FAM20A: variants seen among roughly 807,000 people sequenced by gnomAD.
FAM20A encodes the protein FAM20A golgi associated secretory pathway pseudokinase.
Under a neutral mutation model 52.0 loss-of-function variants are expected in FAM20A, and 42 were observed. The observed-to-expected ratio is 0.81, with a 90% CI of 0.63 to 1.04. FAM20A has a LOEUF of 1.04. Among genes scored for constraint, FAM20A ranks in the 50% least tolerant of loss-of-function variants. FAM20A has a pLI of 0.00. For missense variants in FAM20A, 742 were observed against 712.7 expected, an observed-to-expected ratio of 1.04 and a Z score of -0.47; for synonymous variants, 304 against 298.9, an observed-to-expected ratio of 1.02 and a Z score of -0.18.
In FAM20A at chr17:68,598,909, A is replaced by G. The variant is rs115943775; in HGVS notation, c.404+1354T>C. On this transcript the variant is annotated intron_variant, in intron 1 of 10. Transcript: ENST00000592554. ...TCCTGGTTCACTAAGCCAGACTTCC[A>G]TGTTATTGACGAAATAAAGATAATA... is the stretch of plus-strand genomic sequence containing the variant. Among the ~76,000 whole-genome samples, 1,291 of 152,334 alleles carry G rather than the reference A, an allele frequency of 8.5e-3. 19 individuals carry two copies. The highest frequency in any genetic ancestry group is 0.03 in the African/African-American group (1,240 of 41,560).
chr17:68,543,038 A>C (rs2086380533), intron 5 of FAM20A, among the ~76,000 whole-genome samples: 1 of 152,176 alleles, frequency 6.6e-6, no homozygotes, highest in South Asian at 2.1e-4. Flanking sequence ...TATTCCGTCA[A>C]GCCTCCTGGG....
At chr17:68,571,209 T>C (rs73363278) in intron 1 of FAM20A, among the ~76,000 whole-genome samples, 4 of 152,318 alleles carry the variant, frequency 2.6e-5, no homozygotes, top group African/African-American at 9.6e-5. Flanking sequence ...GGAACAGCAA[T>C]GAAAGAGCTG....
Position 68,585,435 on chromosome 17 carries a change from T to C in FAM20A, c.404+14828A>G, listed in dbSNP as rs542012918. On this transcript the variant is annotated intron_variant, in intron 1 of 10. Coordinates refer to ENST00000592554, the MANE Select transcript of FAM20A (RefSeq NM_017565.4). Reference sequence around the variant, plus strand: ...ACATTCTTTTTTGTTTTTCCACCAATACCATGGCTTTATTTATTTTTTTTT... The same window carrying C: ...ACATTCTTTTTTGTTTTTCCACCAACACCATGGCTTTATTTATTTTTTTTT... Among the ~76,000 whole-genome samples the C allele has an allele frequency of 3.2e-4, 45 of 139,782 alleles. 1 individual carries two copies. Among genetic ancestry groups the C allele is most frequent in the African/African-American group, 1.2e-3 (44 of 36,422 alleles). The allele number at this position is 139,782 out of a possible 152,430, so 91.7% of individuals were successfully genotyped here.
chr17:68,555,842 A>T, intron 1 of FAM20A, 99 bp from the exon 2 acceptor site: 1 of 1,367,618 alleles, frequency 7.3e-7, no homozygotes, highest in Non-Finnish European at 1.0e-6. Context: ...CATTTATTCC[A>T]CAAGTGTATT....
chr17:68,565,736 G>T (rs2087359949), intron 1 of FAM20A, among the ~76,000 whole-genome samples: 1 of 151,828 alleles, frequency 6.6e-6, no homozygotes, highest in African/African-American at 2.4e-5. Context: ...TGTTGCCTGT[G>T]CCTTAACCCT....
chr17:68,539,816 C>A, intron 9 of FAM20A, 69 bp downstream of exon 9: 2 of 1,498,508 alleles, frequency 1.3e-6, no homozygotes, highest in South Asian at 1.1e-5. Flanking sequence ...CTGTTTCCCC[C>A]GAGCAGCTGG....
chr17:68,580,106 A>G (rs997811035), intron 1 of FAM20A, among the ~76,000 whole-genome samples: 2 of 152,360 alleles, frequency 1.3e-5, no homozygotes, highest in African/African-American at 4.8e-5. Context: ...TAAGGTCCAC[A>G]AAGTGGAAGT....
At chr17:68,540,100 C>T in intron 8 of FAM20A, 134 bp from the exon 9 acceptor site, 3 of 755,492 alleles carry the variant, frequency 4.0e-6, no homozygotes, top group South Asian at 2.9e-5. Flanking sequence ...GGGCCTCACA[C>T]TGTCATTTCC....
chr17:68,535,667 A>C lies in FAM20A; in HGVS notation c.*1810T>G, dbSNP rs115751600. ...TCTGTTAAAGAGTTGATTTAAAAAA[A>C]AATTTTTTTTTTTTTGTATTTTTTT... On this transcript the variant is annotated 3_prime_UTR_variant, in exon 11 of 11. Transcript: ENST00000592554. 2.1e-3 allele frequency: 926 copies of C among 448,500 alleles called. 7 individuals carry two copies. Among genetic ancestry groups the C allele is most frequent in the African/African-American group, 0.017 (845 of 49,378 alleles). The allele number at this position is 448,500 out of a possible 1,614,324, so 27.8% of individuals were successfully genotyped here. A position where few individuals can be genotyped will look rare whatever the true frequency, so the allele number is the denominator to read the frequency against.
chr17:68,595,297 C>A (rs761533965), intron 1 of FAM20A, among the ~76,000 whole-genome samples: 6 of 152,208 alleles, frequency 3.9e-5, no homozygotes, highest in Admixed American at 6.5e-5. Context: ...GGATGAATGA[C>A]ACTGATGCTC....
chr17:68,581,427 C>CTCT (rs1568774558), intron 1 of FAM20A, among the ~76,000 whole-genome samples: 11 of 95,974 alleles, frequency 1.1e-4, no homozygotes, highest in African/African-American at 3.8e-4. Flanking sequence ...TTTCTCTTTT[C>CTCT]TTTCTTTCTT....
intron 1 of FAM20A, chr17:68,557,731 G>C (rs897856062): frequency 2.6e-5 from 4 of 152,194 alleles, no homozygotes; most frequent in Non-Finnish European, 5.9e-5. Flanking sequence ...ATCCCCAGAC[G>C]TGATTGCCCA....
intron 1 of FAM20A, among the ~76,000 whole-genome samples, chr17:68,568,222 T>C (rs11077624): frequency 0.18 from 27,298 of 151,664 alleles, 2,760 homozygotes; most frequent in East Asian, 0.34. Flanking sequence ...GTAATCCCAG[T>C]ACTTTGGGAG....
At position 68,542,795 on chromosome 17, in the gene FAM20A, C is replaced by G; in HGVS notation, c.827G>C (p.Arg276Pro). 6.2e-7 allele frequency: 1 copy of G among 1,613,860 alleles called. No individual in the cohort carries two copies. Among genetic ancestry groups the G allele is most frequent in the Non-Finnish European group, 8.5e-7 (1 of 1,179,800 alleles). Reference sequence around the variant, plus strand: ...CCTCCCCACTGTTGGCGGCACCCGTCGGAAGTCCAGAATCCTGCAAGAGAG... The same window carrying G: ...CCTCCCCACTGTTGGCGGCACCCGTGGGAAGTCCAGAATCCTGCAAGAGAG... ...AFHLDRILDFRRVPPTVGRIV... is the reference protein window; with the variant it reads ...AFHLDRILDFPRVPPTVGRIV... Residue 276 changes from arginine to proline, a missense_variant, in exon 6 of 11, where the codon CGA (arginine) becomes CCA (proline). Coordinates refer to ENST00000592554, the MANE Select transcript of FAM20A (RefSeq NM_017565.4).
chr17:68,575,337 A>G (rs745700119), intron 1 of FAM20A, among the ~76,000 whole-genome samples: 21 of 147,318 alleles, frequency 1.4e-4, no homozygotes, highest in Non-Finnish European at 2.8e-4. Flanking sequence ...GCCTGAGGCC[A>G]AGAGTTCAAG....
chr17:68,542,545 C>G (rs2086349930), intron 6 of FAM20A, 149 bp downstream of exon 6: 1 of 717,718 alleles, frequency 1.4e-6, no homozygotes, highest in Non-Finnish European at 2.5e-6. Flanking sequence ...TCAGGCAGAC[C>G]ATGGTGGGAG....
chr17:68,574,615 G>A (rs1332107716), intron 1 of FAM20A, among the ~76,000 whole-genome samples: 2 of 152,084 alleles, frequency 1.3e-5, no homozygotes, highest in African/African-American at 2.4e-5. Flanking sequence ...GTGACTTCTG[G>A]GACTCAGTAC....
At chr17:68,564,030 A>G (rs2087300977) in intron 1 of FAM20A, among the ~76,000 whole-genome samples, 1 of 152,224 alleles carries the variant, frequency 6.6e-6, no homozygotes, top group Admixed American at 6.5e-5. Flanking sequence ...GTAGTGCAGT[A>G]ACAGAAAGGG....
chr17:68,580,927 C>T (rs1269391788), intron 1 of FAM20A, among the ~76,000 whole-genome samples: 1 of 152,150 alleles, frequency 6.6e-6, no homozygotes, highest in Non-Finnish European at 1.5e-5. Context: ...ACTGCTAGTA[C>T]AAGGCAGCGT....
Sources: allele counts gnomAD v4.1 joint callset (sites outside exome capture counted in the v4.1 genomes callset), GRCh38; gene constraint gnomAD v4.1.1; transcripts MANE v1.5; gene names NCBI Gene and HGNC (gene_info 2026-07-23, HGNC 2026-07-21).